Variants in ZNF705B observed in about 807,000 individuals in gnomAD.
ZNF705B encodes zinc finger protein 705B, also known as Putative zinc finger protein 705D-like protein LOC100132396.
ZNF705B carries 1 observed loss-of-function variant against 10.5 expected under a neutral mutation model. The observed-to-expected ratio is 0.10, with a 90% CI of 0.03 to 0.45. The LOEUF (loss-of-function observed/expected upper bound fraction) is 0.45, where lower values mean the gene tolerates loss of function less well. Among genes scored for constraint, ZNF705B ranks in the 20% least tolerant of loss-of-function variants. The probability of loss-of-function intolerance (pLI) is 0.97; values close to 1 mark genes in which losing one functional copy is unlikely to be tolerated. For synonymous variants in ZNF705B, 4 were observed against 25.4 expected, an observed-to-expected ratio of 0.16 and a Z score of 2.53; for missense variants, 14 against 84.0, an observed-to-expected ratio of 0.17 and a Z score of 3.26.
chr8:7,928,298 G>A (rs1819752990), intron 1 of ZNF705B, among the ~76,000 whole-genome samples: 2 of 120,318 alleles, frequency 1.7e-5, no homozygotes, highest in African/African-American at 5.0e-5. Flanking sequence ...CAGATGAATG[G>A]GGAGACAGAA....
At chr8:7,926,856 T>G (rs1205659621) in intron 1 of ZNF705B, among the ~76,000 whole-genome samples, 1 of 114,698 alleles carries the variant, frequency 8.7e-6, no homozygotes, top group Non-Finnish European at 2.1e-5. Context: ...ATGTGTTCCT[T>G]TATTCAAAAA....
At chr8:7,932,242 GA>G (rs112154825) in intron 2 of ZNF705B, among the ~76,000 whole-genome samples, 1,635 of 120,456 alleles carry the variant, frequency 0.014, 45 homozygotes, top group African/African-American at 0.039. Flanking sequence ...CCACACTGGA[GA>G]GCCTGTCCTG....
intron 1 of ZNF705B, among the ~76,000 whole-genome samples, chr8:7,927,032 A>G (rs1819709858): frequency 8.3e-6 from 1 of 119,766 alleles, no homozygotes; most frequent in African/African-American, 2.5e-5. Flanking sequence ...ACCACTTTCA[A>G]GACTCGTGGT....
At chr8:7,944,698 C>A (rs1167452931) in intron 2 of ZNF705B, among the ~76,000 whole-genome samples, 1 of 88,018 alleles carries the variant, frequency 1.1e-5, no homozygotes, top group African/African-American at 3.6e-5. Flanking sequence ...GGGCCGGGCA[C>A]GGTGGCTTAC....
intron 2 of ZNF705B, among the ~76,000 whole-genome samples, chr8:7,935,025 C>CG (rs2128943150): frequency 1.1e-5 from 1 of 87,430 alleles, no homozygotes; most frequent in Admixed American, 1.3e-4. Context: ...TACACACACA[C>CG]ACACACTCTC....
At chr8:7,929,474 G>A (rs1178126963) in intron 1 of ZNF705B, among the ~76,000 whole-genome samples, 1 of 120,612 alleles carries the variant, frequency 8.3e-6, no homozygotes, top group East Asian at 2.4e-4. Flanking sequence ...AATTTATTCT[G>A]GGGAAAAAAA....
intron 1 of ZNF705B, among the ~76,000 whole-genome samples, chr8:7,927,851 A>C (rs1819741047): frequency 7.0e-6 from 1 of 143,822 alleles, no homozygotes; most frequent in East Asian, 2.1e-4. Context: ...TCTACATCTC[A>C]TCAACAATCT....
In ZNF705B at chr8:7,932,355, G is replaced by A. The variant is rs112308078; in HGVS notation, c.-72+1919G>A. On this transcript the variant is annotated intron_variant, in intron 2 of 6. Transcript: ENST00000400120. ...CTGCTGAATTCTAGTGCCCTCTTTC[G>A]TGCCCTCTTCAAGGTATGATTATCT... Among the ~76,000 whole-genome samples the A allele has an allele frequency of 2.8e-3, 333 of 120,930 alleles. 84 individuals are homozygous for A. The highest frequency in any genetic ancestry group is 3.9e-3 in the Non-Finnish European group (198 of 50,430). The allele number at this position is 120,930 out of a possible 152,430, so 79.3% of individuals were successfully genotyped here.
chr8:7,949,216 G>A lies in ZNF705B; in HGVS notation c.100G>A (p.Asp34Asn). The A allele has an allele frequency of 7.2e-6, 6 of 838,740 alleles. 1 individual carries two copies. In the South Asian group the frequency reaches 1.1e-4, roughly 16 times the overall value. 52.0% of individuals were successfully genotyped at this position (838,740 alleles called of 1,614,324 possible). ...MDTSKRKLYR[D>N]VMLENISHLV... Reference sequence around the variant, plus strand: ...CACATCCAAAAGAAAGCTGTACAGAGATGTGATGCTGGAAAATATCAGTCA... The same window carrying A: ...CACATCCAAAAGAAAGCTGTACAGAAATGTGATGCTGGAAAATATCAGTCA... Residue 34 changes from aspartate to asparagine, a missense_variant, in exon 4 of 7, where the codon GAT (aspartate) becomes AAT (asparagine). By Grantham distance (23) the Asp-to-Asn change is conservative (BLOSUM62 1). Coordinates refer to ENST00000400120, the MANE Select transcript of ZNF705B (RefSeq NM_001193630.1).
rs564675295 is a variant in ZNF705B at position 7,950,819 on chromosome 8, CA to C, written c.318+73del. On this transcript the variant is annotated intron_variant, in intron 6 of 6. Coordinates refer to ENST00000400120, the MANE Select transcript of ZNF705B (RefSeq NM_001193630.1). ...GTAATGGGTTAAGTTAATAATGAAG[CA>C]CAATCACCTGAGTGTAATTAGGCTG... The C allele has an allele frequency of 4.6e-4, 146 of 317,096 alleles. 5 individuals are homozygous for C. Among genetic ancestry groups the C allele is most frequent in the African/African-American group, 3.8e-3 (129 of 33,758 alleles). 19.6% of individuals were successfully genotyped at this position (317,096 alleles called of 1,614,324 possible). A position where few individuals can be genotyped will look rare whatever the true frequency, so the allele number is the denominator to read the frequency against.
rs1352253287 is a variant in ZNF705B, at chr8:7,935,907, C to T, written c.-72+5471C>T. Among the ~76,000 whole-genome samples, 2 of 91,016 alleles carry T rather than the reference C, an allele frequency of 2.2e-5. 1 individual carries two copies. The highest frequency in any genetic ancestry group is 5.7e-5 in the Non-Finnish European group (2 of 34,920). 59.7% of individuals were successfully genotyped at this position (91,016 alleles called of 152,430 possible). A position where few individuals can be genotyped will look rare whatever the true frequency, so the allele number is the denominator to read the frequency against. On this transcript the variant is annotated intron_variant, in intron 2 of 6. Coordinates refer to ENST00000400120, the MANE Select transcript of ZNF705B (RefSeq NM_001193630.1). The stretch of plus-strand genomic sequence containing the variant: ...CCACTGGCCTTGTGCTAAAATTGGC[C>T]CTTTGCAGCTGGAAGAGTCATAAGA...
chr8:7,928,097 G>A (rs1340521479), intron 1 of ZNF705B, among the ~76,000 whole-genome samples: 2 of 118,670 alleles, frequency 1.7e-5, no homozygotes, highest in Non-Finnish European at 4.0e-5. Context: ...TCAAGACACC[G>A]GCATAGGTGT....
At position 7,928,188 on chromosome 8, in the gene ZNF705B, G is replaced by C. The variant is rs1247437845; in HGVS notation, c.-222+1791G>C. 9.9e-5 allele frequency among the ~76,000 whole-genome samples: 11 copies of C among 110,594 alleles called. 1 individual carries two copies. The highest frequency in any genetic ancestry group is 2.6e-4 in the African/African-American group (10 of 37,824). 72.6% of individuals were successfully genotyped at this position (110,594 alleles called of 152,430 possible). A position where few individuals can be genotyped will look rare whatever the true frequency, so the allele number is the denominator to read the frequency against. On this transcript the variant is annotated intron_variant, in intron 1 of 6. Transcript: ENST00000400120. ...GCTCCTTCAGGCCTCTTTTATAAGG[G>C]CAGCAATCCCATCACAAGGACTTCA...
chr8:7,933,663 GC>G (rs1243213423), intron 2 of ZNF705B, among the ~76,000 whole-genome samples: 5 of 64,838 alleles, frequency 7.7e-5, no homozygotes, highest in Non-Finnish European at 1.6e-4. Context: ...ACGTGATTGT[GC>G]AATTTTCCCA....
chr8:7,935,482 G>T (rs1480156027), intron 2 of ZNF705B, among the ~76,000 whole-genome samples: 1 of 94,168 alleles, frequency 1.1e-5, no homozygotes, highest in Non-Finnish European at 2.7e-5. Context: ...TAACTTCTTG[G>T]CAGTAAGAGA....
At chr8:7,927,919 G>A (rs867456163) in intron 1 of ZNF705B, among the ~76,000 whole-genome samples, 7 of 138,622 alleles carry the variant, frequency 5.0e-5, no homozygotes, top group African/African-American at 1.5e-4. Context: ...CTGTTAGAGA[G>A]GTCGAAAGGT....
Position 7,935,544 on chromosome 8 carries a change from T to C in ZNF705B, c.-72+5108T>C, listed in dbSNP as rs542946202. Among the ~76,000 whole-genome samples the C allele has an allele frequency of 6.6e-3, 801 of 120,596 alleles. 17 individuals are homozygous for C. The highest frequency in any genetic ancestry group is 0.019 in the African/African-American group (760 of 39,136). The allele number at this position is 120,596 out of a possible 152,430, so 79.1% of individuals were successfully genotyped here. A position where few individuals can be genotyped will look rare whatever the true frequency, so the allele number is the denominator to read the frequency against. On this transcript the variant is annotated intron_variant, in intron 2 of 6. Transcript: ENST00000400120. ...TCTATTCTGGAACACAAAAGCCAATTCTAGAATAGCTTTCAATCAGTACAG... is the reference window on the plus strand; with the variant it reads ...TCTATTCTGGAACACAAAAGCCAATCCTAGAATAGCTTTCAATCAGTACAG...
chr8:7,933,020 T>G (rs1334783115), intron 2 of ZNF705B, among the ~76,000 whole-genome samples: 1 of 118,332 alleles, frequency 8.5e-6, no homozygotes, highest in African/African-American at 2.5e-5. Context: ...GTCCTGTGAA[T>G]GTGCCACCTT....
rs1346535435 is a variant in ZNF705B, at chr8:7,940,647, G to A, written c.-71-6704G>A. 2.1e-5 allele frequency among the ~76,000 whole-genome samples: 3 copies of A among 145,918 alleles called. 1 individual carries two copies. Among genetic ancestry groups the A allele is most frequent in the Non-Finnish European group, 4.6e-5 (3 of 65,784 alleles). On this transcript the variant is annotated intron_variant, in intron 2 of 6. Transcript: ENST00000400120. Reference sequence around the variant, plus strand: ...ACCATTCTACTCTCTGCTTTTGTGAGTTTGTCGATTTTAGATTTCAAACAC... The same window carrying A: ...ACCATTCTACTCTCTGCTTTTGTGAATTTGTCGATTTTAGATTTCAAACAC...
Sources: allele counts gnomAD v4.1 joint callset (sites outside exome capture counted in the v4.1 genomes callset), GRCh38; gene constraint gnomAD v4.1.1; transcripts MANE v1.5; gene names NCBI Gene and HGNC (gene_info 2026-07-23, HGNC 2026-07-21).